The following XDH variants were observed in gnomAD, a reference collection of about 807,000 sequenced individuals.
The protein encoded by XDH is xanthine dehydrogenase/oxidase.
A neutral mutation model predicts 156.1 loss-of-function variants in XDH; 138 were observed. The observed-to-expected ratio is 0.88, with a 90% confidence interval of 0.77 to 1.02. The LOEUF (loss-of-function observed/expected upper bound fraction) is 1.02. Among genes scored for constraint, XDH ranks in the 50% least tolerant of loss-of-function variants. XDH has a pLI of 0.00. For missense variants in XDH, 1,849 were observed against 1,684.9 expected (o/e 1.10, Z -1.71); for synonymous variants, 669 against 625.7 (o/e 1.07, Z -1.03).
At chr2:31,402,743 C>T (rs187275583) in intron 3 of XDH, among the ~76,000 whole-genome samples, 3 of 152,138 alleles carry the variant, frequency 2.0e-5, no homozygotes, top group South Asian at 2.1e-4. Flanking sequence ...GGGCCTTGCC[C>T]GCTAAGCAAA....
chr2:31,399,860 T>C (rs1017773365), intron 4 of XDH, among the ~76,000 whole-genome samples: 10 of 152,234 alleles, frequency 6.6e-5, no homozygotes, highest in African/African-American at 2.4e-4. Context: ...TTCTCTTTCT[T>C]TGTAAATTAC....
rs769496576 is a variant in XDH at position 31,347,502 on chromosome 2, G to T, written c.3276+20C>A. 2.5e-6 allele frequency: 4 copies of T among 1,613,158 alleles called. No homozygotes were observed. In the South Asian group the frequency reaches 3.3e-5, roughly 13 times the overall value. Reference sequence around the variant, plus strand: ...CTCTGGGCTGGCCCTCTGCTCTGCGGGATCCCATGGGCTCCTTACATAGAC... The same window carrying T: ...CTCTGGGCTGGCCCTCTGCTCTGCGTGATCCCATGGGCTCCTTACATAGAC... On this transcript the variant is annotated intron_variant, in intron 29 of 35. Coordinates refer to ENST00000379416, the MANE Select transcript of XDH (RefSeq NM_000379.4).
chr2:31,364,325 A>T (rs1472145440), intron 23 of XDH, 81 bp from the exon 24 acceptor site: 4 of 1,366,220 alleles, frequency 2.9e-6, no homozygotes, highest in Non-Finnish European at 4.2e-6. Context: ...CCTCCCTCCC[A>T]CTTATGTCAC....
intron 24 of XDH, among the ~76,000 whole-genome samples, chr2:31,360,521 T>A (rs1401120056): frequency 1.3e-5 from 2 of 152,030 alleles, no homozygotes; most frequent in African/African-American, 4.8e-5. Context: ...ATAAATAAAA[T>A]AAATCACAAG....
At chr2:31,400,728 G>T (rs1687034795) in intron 4 of XDH, among the ~76,000 whole-genome samples, 1 of 152,220 alleles carries the variant, frequency 6.6e-6, no homozygotes, top group Non-Finnish European at 1.5e-5. Context: ...CTAACCTCCA[G>T]TCTAATGAAA....
intron 24 of XDH, among the ~76,000 whole-genome samples, chr2:31,362,644 T>G (rs1685806299): frequency 6.6e-6 from 1 of 152,240 alleles, no homozygotes; most frequent in South Asian, 2.1e-4. Flanking sequence ...CATAGGTTCT[T>G]GAGCCAGTAT....
intron 24 of XDH, among the ~76,000 whole-genome samples, chr2:31,353,328 T>A (rs556794766): frequency 6.6e-6 from 1 of 152,292 alleles, no homozygotes; most frequent in African/African-American, 2.4e-5. Context: ...ACACGATAAT[T>A]ACTGACACAT....
rs1344399899 is a variant in XDH, at chr2:31,335,168, G to C, written c.*790C>G. 1 of 152,670 alleles carries C rather than the reference G, an allele frequency of 6.6e-6. No homozygotes were observed. The highest frequency in any genetic ancestry group is 2.4e-5 in the African/African-American group (1 of 41,426). The allele number at this position is 152,670 out of a possible 1,614,324, so 9.5% of individuals were successfully genotyped here. ...TTATAGGGGTGAGCCACCATGCCAG[G>C]ACTGATAGCATCATTTCTAGGTGGA... is the stretch of plus-strand genomic sequence containing the variant. On this transcript the variant is annotated 3_prime_UTR_variant, in exon 36 of 36. Transcript: ENST00000379416.
intron 4 of XDH, among the ~76,000 whole-genome samples, chr2:31,400,485 C>T (rs1687028190): frequency 6.6e-6 from 1 of 152,142 alleles, no homozygotes; most frequent in Non-Finnish European, 1.5e-5. Flanking sequence ...CCCAAGTTTC[C>T]TCAAACAAAA....
Position 31,348,281 on chromosome 2 carries a change from G to T in XDH, c.3134C>A (p.Thr1045Asn), listed in dbSNP as rs1380850453. ...GGTEMGQGLH[T>N]KMVQVASRAL... ...AGGGCTGCTCACCTGGACCATTTTGGTATGAAGGCCTTGGCCCATCTCAGT... is the reference window on the plus strand; with the variant it reads ...AGGGCTGCTCACCTGGACCATTTTGTTATGAAGGCCTTGGCCCATCTCAGT... Residue 1045 changes from threonine to asparagine, a missense_variant, in exon 28 of 36, where the codon ACC becomes AAC. By Grantham distance (65) the Thr-to-Asn change is moderately conservative (BLOSUM62 0). Coordinates refer to ENST00000379416, the MANE Select transcript of XDH (RefSeq NM_000379.4). 1 of 1,614,192 alleles carries T rather than the reference G, an allele frequency of 6.2e-7. No individual in the cohort carries two copies. Among genetic ancestry groups the T allele is most frequent in the East Asian group, 2.2e-5 (1 of 44,880 alleles).
chr2:31,348,767 T>C, intron 27 of XDH, 132 bp downstream of exon 27: 1 of 827,616 alleles, frequency 1.2e-6, no homozygotes, highest in East Asian at 2.6e-5. Context: ...TCGACTTTCA[T>C]TTAAAGAGCA....
chr2:31,353,239 C>T lies in XDH; in HGVS notation c.2632-3016G>A, dbSNP rs555481381. On this transcript the variant is annotated intron_variant, in intron 24 of 35. Transcript: ENST00000379416. Reference sequence around the variant, plus strand: ...GCTGTGACCACAATAATGAGGAGTACGTAGCTCCCACTTCTGGTCTTACCC... The same window carrying T: ...GCTGTGACCACAATAATGAGGAGTATGTAGCTCCCACTTCTGGTCTTACCC... 3.9e-5 allele frequency among the ~76,000 whole-genome samples: 6 copies of T among 152,232 alleles called. 1 individual carries two copies. The highest frequency in any genetic ancestry group is 9.6e-5 in the African/African-American group (4 of 41,524).
intron 32 of XDH, among the ~76,000 whole-genome samples, 175 bp downstream of exon 32, chr2:31,342,008 G>A (rs1011540990): frequency 6.6e-6 from 1 of 152,122 alleles, no homozygotes; most frequent in African/African-American, 2.4e-5. Flanking sequence ...GAGACTGTAT[G>A]GCCCACGAAG....
At chr2:31,349,468 C>T (rs1228792128) in intron 26 of XDH, among the ~76,000 whole-genome samples, 1 of 152,180 alleles carries the variant, frequency 6.6e-6, no homozygotes, top group Admixed American at 6.5e-5. Context: ...AGATGAACCA[C>T]AACTGACAGG....
rs45551641 is a variant in XDH at position 31,344,124 on chromosome 2, TA to T, written c.3404+559del. Reference sequence around the variant, plus strand: ...GGTCTCTAGCTATTCACGCTGCTACTAAATTTAAAGTTGCAGAAGTCATACG... The same window carrying T: ...GGTCTCTAGCTATTCACGCTGCTACTAATTTAAAGTTGCAGAAGTCATACG... On this transcript the variant is annotated intron_variant, in intron 31 of 35. Coordinates refer to ENST00000379416, the MANE Select transcript of XDH (RefSeq NM_000379.4). 1.1e-4 allele frequency among the ~76,000 whole-genome samples: 16 copies of T among 152,334 alleles called. No individual in the cohort carries two copies. The East Asian group carries it at 3.1e-3, about 29-fold the overall frequency.
chr2:31,348,142 C>G, intron 28 of XDH, 126 bp downstream of exon 28: 1 of 945,656 alleles, frequency 1.1e-6, no homozygotes, highest in Non-Finnish European at 1.7e-6. Context: ...CGAGGCTACA[C>G]GGACATAAGC....
At chr2:31,349,403 T>A (rs564922044) in intron 26 of XDH, among the ~76,000 whole-genome samples, 1 of 152,314 alleles carries the variant, frequency 6.6e-6, no homozygotes, top group Admixed American at 6.5e-5. Flanking sequence ...GACGTGTTAG[T>A]CCTAGGCCAG....
In XDH at chr2:31,383,841, T is replaced by G. The variant is rs1276239775; in HGVS notation, c.800A>C (p.Glu267Ala). 6.2e-7 allele frequency: 1 copy of G among 1,613,854 alleles called. No individual in the cohort carries two copies. Among genetic ancestry groups the G allele is most frequent in the Non-Finnish European group, 8.5e-7 (1 of 1,179,942 alleles). ...AAACAGCATATTCTTGAACTTCATC[T>G]CAATGCCTAGAGAGAAACAAGAAGC... ...LVVGNTEIGI[E>A]MKFKNMLFPM... Residue 267 changes from glutamate (E) to alanine (A), a missense_variant, in exon 10 of 36, where the codon GAG (glutamate) becomes GCG (alanine). Transcript: ENST00000379416.
Position 31,347,651 on chromosome 2 carries a change from C to T in XDH, c.3148-1G>A. ...GGATTTTCAGAGCTCTACTGGCCAC[C>T]TGCGAAAAGAGAAGACATTGCCCTC... On this transcript the variant is annotated splice_acceptor_variant, in intron 28 of 35. Coordinates refer to ENST00000379416, the MANE Select transcript of XDH (RefSeq NM_000379.4). LOFTEE classifies it high-confidence loss of function. The T allele has an allele frequency of 6.2e-7, 1 of 1,613,380 alleles. No homozygotes were observed. Among genetic ancestry groups the T allele is most frequent in the African/African-American group, 1.3e-5 (1 of 75,048 alleles).
Sources: allele counts gnomAD v4.1 joint callset (sites outside exome capture counted in the v4.1 genomes callset), GRCh38; gene constraint gnomAD v4.1.1; transcripts MANE v1.5; gene names NCBI Gene and HGNC (gene_info 2026-07-23, HGNC 2026-07-21).